The following PCDHGA5 variants were observed in gnomAD, a reference collection of about 807,000 sequenced individuals.
PCDHGA5 encodes the protein protocadherin gamma-A5.
PCDHGA5 carries 36 observed loss-of-function variants against 56.7 expected under a neutral mutation model. The observed-to-expected ratio is 0.64, with a 90% CI of 0.49 to 0.84. The LOEUF (loss-of-function observed/expected upper bound fraction) is 0.84. Ranked by LOEUF, PCDHGA5 falls within the 40% of genes least tolerant of loss-of-function variation. The pLI, the probability that PCDHGA5 is intolerant of heterozygous loss-of-function variation, is 0.00. For synonymous variants in PCDHGA5, 563 were observed against 520.2 expected, an observed-to-expected ratio of 1.08 and a Z score of -1.12; for missense variants, 1,305 against 1,201.5, an observed-to-expected ratio of 1.09 and a Z score of -1.27.
chr5:141,432,452 C>G lies in PCDHGA5; in HGVS notation c.2422-62355C>G. The G allele has an allele frequency of 6.2e-7, 1 of 1,614,212 alleles. No individual in the cohort carries two copies. The highest frequency in any genetic ancestry group is 8.5e-7 in the Non-Finnish European group (1 of 1,180,042). On this transcript the variant is annotated intron_variant, in intron 1 of 3. Coordinates refer to ENST00000518069, the MANE Select transcript of PCDHGA5 (RefSeq NM_018918.3). The surrounding 1 kb of genome is among the most constrained non-coding windows in gnomAD (Gnocchi z 6.0). ...CGACAATGCGCCCGAGATCCTGTACCCCGCCCTCCCCACGGACGGTTCCAC... is the reference window on the plus strand; with the variant it reads ...CGACAATGCGCCCGAGATCCTGTACGCCGCCCTCCCCACGGACGGTTCCAC...
intron 2 of PCDHGA5, among the ~76,000 whole-genome samples, chr5:141,503,977 CCTT>C (rs1012021012): frequency 1.3e-5 from 2 of 152,250 alleles, no homozygotes; most frequent in Admixed American, 1.3e-4. Flanking sequence ...GGTGCCAAAC[CCTT>C]CTTCTTACCT....
chr5:141,486,019 T>C lies in PCDHGA5; in HGVS notation c.2422-8788T>C, dbSNP rs2078071. 3.2e-3 allele frequency: 5,143 copies of C among 1,613,986 alleles called. 141 individuals carry two copies. In the South Asian group the frequency reaches 0.046, roughly 14 times the overall value. ...GTGGTAACGTCACCTTTTATTTCAG[T>C]GGTCATACCCCTGATCGTGTAAGAA... On this transcript the variant is annotated intron_variant, in intron 1 of 3. Transcript: ENST00000518069. The surrounding 1 kb of genome is among the most constrained non-coding windows in gnomAD (Gnocchi z 5.0).
At position 141,485,398 on chromosome 5, in the gene PCDHGA5, C is replaced by T. The variant is rs906016330; in HGVS notation, c.2422-9409C>T. The T allele has an allele frequency of 1.3e-5, 21 of 1,614,044 alleles. No individual in the cohort carries two copies. The highest frequency in any genetic ancestry group is 1.8e-5 in the Non-Finnish European group (21 of 1,179,928). On this transcript the variant is annotated intron_variant, in intron 1 of 3. Coordinates refer to ENST00000518069, the MANE Select transcript of PCDHGA5 (RefSeq NM_018918.3). This position sits in a 1 kb window ranked among gnomAD's most constrained non-coding sequence, Gnocchi z 5.7. ...CTGGAGAGGTGAACCAAAGACACTT[C>T]CGTGTGGATTTGGACAGCGGAGCCC...
intron 3 of PCDHGA5, among the ~76,000 whole-genome samples, chr5:141,506,300 T>G (rs2099852124): frequency 6.6e-6 from 1 of 151,976 alleles, no homozygotes; most frequent in East Asian, 1.9e-4. Flanking sequence ...AATACAAAAA[T>G]TAGCTGGGCA....
chr5:141,403,333 C>A (rs376895778), intron 1 of PCDHGA5: 1 of 1,613,984 alleles, frequency 6.2e-7, no homozygotes, highest in South Asian at 1.1e-5. Flanking sequence ...CTGATATTAA[C>A]GACAGCGCCC....
In PCDHGA5 at chr5:141,486,341, C is replaced by T; in HGVS notation, c.2422-8466C>T. On this transcript the variant is annotated intron_variant, in intron 1 of 3. Coordinates refer to ENST00000518069, the MANE Select transcript of PCDHGA5 (RefSeq NM_018918.3). The surrounding 1 kb of genome is among the most constrained non-coding windows in gnomAD (Gnocchi z 5.0). ...AAACGGAGATGTGAGCCTCCGCATTCCTGACCACTTGCCATTTGCCCTCAA... is the reference window on the plus strand; with the variant it reads ...AAACGGAGATGTGAGCCTCCGCATTTCTGACCACTTGCCATTTGCCCTCAA... The T allele has an allele frequency of 6.2e-7, 1 of 1,614,128 alleles. No individual in the cohort carries two copies. Among genetic ancestry groups the T allele is most frequent in the Non-Finnish European group, 8.5e-7 (1 of 1,179,992 alleles).
chr5:141,384,018 C>G, intron 1 of PCDHGA5: 1 of 1,613,740 alleles, frequency 6.2e-7, no homozygotes, highest in Non-Finnish European at 8.5e-7. Context: ...ACCTACAAGA[C>G]AGAGATTCTG....
At chr5:141,371,998 G>A (rs893704391) in intron 1 of PCDHGA5, 3 of 1,613,266 alleles carry the variant, frequency 1.9e-6, no homozygotes, top group Non-Finnish European at 1.7e-6. Flanking sequence ...CTGCAGGCCC[G>A]CGACCAGGGC....
chr5:141,371,628 C>G (rs1247615659), intron 1 of PCDHGA5: 1 of 1,614,006 alleles, frequency 6.2e-7, no homozygotes, highest in Non-Finnish European at 8.5e-7. Flanking sequence ...AGCCCTGGAC[C>G]GGGAGCAGAT....
intron 1 of PCDHGA5, among the ~76,000 whole-genome samples, chr5:141,469,120 T>C (rs188113354): frequency 6.6e-6 from 1 of 151,574 alleles, no homozygotes; most frequent in East Asian, 1.9e-4. Context: ...CTAAAAAAAT[T>C]TAAAAATTAG....
intron 2 of PCDHGA5, among the ~76,000 whole-genome samples, chr5:141,501,536 G>A (rs570102957): frequency 5.9e-5 from 9 of 152,054 alleles, no homozygotes; most frequent in African/African-American, 2.2e-4. Context: ...GTACGTTGTT[G>A]TGCATAAGAT....
chr5:141,427,193 CTT>C (rs2096998045), intron 1 of PCDHGA5: 3 of 456,614 alleles, frequency 6.6e-6, no homozygotes, highest in Non-Finnish European at 8.8e-6. Context: ...AATCCAAAGA[CTT>C]AATAGACTTC....
intron 1 of PCDHGA5, chr5:141,479,750 G>T: frequency 6.6e-6 from 1 of 152,310 alleles, no homozygotes. Context: ...CAATGTGAAA[G>T]GTAGATAAAT....
chr5:141,367,108 A>AC, intron 1 of PCDHGA5: 1 of 233,042 alleles, frequency 4.3e-6, no homozygotes, highest in Non-Finnish European at 8.4e-6. Context: ...GTCTGCCTAG[A>AC]CACCATTAGT....
intron 1 of PCDHGA5, among the ~76,000 whole-genome samples, chr5:141,465,995 A>G (rs551920109): frequency 1.4e-3 from 208 of 151,976 alleles, no homozygotes; most frequent in African/African-American, 4.8e-3. Context: ...GGTGGCAGGC[A>G]CCTGTAGTCC....
At chr5:141,469,807 T>C (rs1294838215) in intron 1 of PCDHGA5, among the ~76,000 whole-genome samples, 1 of 152,070 alleles carries the variant, frequency 6.6e-6, no homozygotes, top group African/African-American at 2.4e-5. Context: ...AAAAACATTG[T>C]AGATAGAATG....
In PCDHGA5 at chr5:141,421,591, G is replaced by A. The variant is rs1273484124; in HGVS notation, c.2421+54840G>A. The A allele has an allele frequency of 1.9e-6, 3 of 1,613,756 alleles. No homozygotes were observed. In the Admixed American group the frequency reaches 5.0e-5, roughly 27 times the overall value. ...CACCTTGAAGATTTACGGAGTGGAG[G>A]TGGAAATAATAGATATTAATGATAA... is the stretch of plus-strand genomic sequence containing the variant. On this transcript the variant is annotated intron_variant, in intron 1 of 3. Transcript: ENST00000518069.
At chr5:141,488,134 A>G (rs546928916) in intron 1 of PCDHGA5, among the ~76,000 whole-genome samples, 1 of 152,332 alleles carries the variant, frequency 6.6e-6, no homozygotes, top group African/African-American at 2.4e-5. Flanking sequence ...GAAAGAGGAG[A>G]GAACTAAAGG....
In PCDHGA5 at chr5:141,413,613, TA is replaced by T. The variant is rs2095659138; in HGVS notation, c.2421+46864del. The T allele has an allele frequency of 4.3e-6, 7 of 1,613,714 alleles. No individual in the cohort carries two copies. The East Asian group carries it at 1.6e-4, about 36-fold the overall frequency. On this transcript the variant is annotated intron_variant, in intron 1 of 3. Transcript: ENST00000518069. Reference sequence around the variant, plus strand: ...AAGCAGAAAATCTAGACGTAAAAATTAATGAAAATGTCGCTGCGGGAATGCG... The same window carrying T: ...AAGCAGAAAATCTAGACGTAAAAATTATGAAAATGTCGCTGCGGGAATGCG...
Sources: gnomAD v4.1 joint callset for allele counts (sites outside exome capture counted in the v4.1 genomes callset) on GRCh38, gnomAD v4.1.1 for gene constraint, Gnocchi (gnomAD v3.1) non-coding constraint, MANE v1.5 for transcripts, NCBI Gene and HGNC (gene_info 2026-07-23, HGNC 2026-07-21) for gene names.